The following ATE1 variants were observed in gnomAD, a reference collection of about 807,000 sequenced individuals.
ATE1 encodes arginyltransferase 1, also known as arginyl-tRNA--protein transferase 1.
In ATE1, 36 loss-of-function variants were observed where a neutral mutation model predicts 70.5. The ratio of observed to expected loss-of-function variants is 0.51; its 90% confidence interval spans 0.39 to 0.67. The LOEUF is 0.67. Among genes scored for constraint, ATE1 ranks in the 30% least tolerant of loss-of-function variants. The pLI is 0.00. For synonymous variants in ATE1, 232 were observed against 219.3 expected, an observed-to-expected ratio of 1.06 and a Z score of -0.51; for missense variants, 593 against 629.5, an observed-to-expected ratio of 0.94 and a Z score of 0.62.
chr10:121,790,433 G>A, intron 10 of ATE1, 144 bp from the exon 11 acceptor site: 1 of 1,047,172 alleles, frequency 9.5e-7, no homozygotes, highest in Non-Finnish European at 1.3e-6. Context: ...AAGCAACCCT[G>A]TAGCTGATAG....
chr10:121,746,634 A>G (rs148940726), intron 11 of ATE1, among the ~76,000 whole-genome samples: 1 of 152,308 alleles, frequency 6.6e-6, no homozygotes, highest in African/African-American at 2.4e-5. Flanking sequence ...AAAGCCAATG[A>G]TCAACTTTTC....
rs1308495218 is a variant in ATE1 at position 121,859,260 on chromosome 10, AT to A, written c.975+10745del. 1.6e-3 allele frequency among the ~76,000 whole-genome samples: 235 copies of A among 146,412 alleles called. 1 individual carries two copies. Among genetic ancestry groups the A allele is most frequent in the Middle Eastern group, 3.5e-3 (1 of 286 alleles). The stretch of plus-strand genomic sequence containing the variant: ...AAAAGTTATTATTTTATTTTATTTT[AT>A]TTTTTTTTTTTTTGAGACGGAGTCT... On this transcript the variant is annotated intron_variant, in intron 8 of 11. Coordinates refer to ENST00000224652, the MANE Select transcript of ATE1 (RefSeq NM_001001976.3).
intron 8 of ATE1, among the ~76,000 whole-genome samples, chr10:121,847,215 G>A (rs950362123): frequency 3.3e-5 from 5 of 152,136 alleles, no homozygotes; most frequent in African/African-American, 1.2e-4. Flanking sequence ...TTGAGAGGCC[G>A]AGGTGGGTGG....
rs915301894 is a variant in ATE1 at position 121,885,298 on chromosome 10, G to A, written c.942+14568C>T. On this transcript the variant is annotated intron_variant, in intron 7 of 11. Transcript: ENST00000224652. Reference sequence around the variant, plus strand: ...AAAAAAAAAAAAAGAGGCCGGGCGCGGTGGCTCACACTTGTAATCCCAGCA... The same window carrying A: ...AAAAAAAAAAAAAGAGGCCGGGCGCAGTGGCTCACACTTGTAATCCCAGCA... Among the ~76,000 whole-genome samples, 333 of 141,308 alleles carry A rather than the reference G, an allele frequency of 2.4e-3. 3 individuals carry two copies. Among genetic ancestry groups the A allele is most frequent in the Middle Eastern group, 4.5e-3 (1 of 220 alleles). The allele number at this position is 141,308 out of a possible 152,430, so 92.7% of individuals were successfully genotyped here. A position where few individuals can be genotyped will look rare whatever the true frequency, so the allele number is the denominator to read the frequency against.
intron 6 of ATE1, among the ~76,000 whole-genome samples, chr10:121,902,141 CTG>C (rs1564945152): frequency 6.6e-6 from 1 of 152,122 alleles, no homozygotes; most frequent in Non-Finnish European, 1.5e-5. Flanking sequence ...AAAATTGACA[CTG>C]TTTTCACAAG....
intron 11 of ATE1, among the ~76,000 whole-genome samples, chr10:121,752,938 C>T (rs1222553052): frequency 6.6e-6 from 1 of 152,172 alleles, no homozygotes; most frequent in Non-Finnish European, 1.5e-5. Flanking sequence ...TTGAGGAGTA[C>T]TACCATCTTA....
chr10:121,855,833 G>A (rs1949226921), intron 8 of ATE1, among the ~76,000 whole-genome samples: 1 of 152,124 alleles, frequency 6.6e-6, no homozygotes, highest in African/African-American at 2.4e-5. Flanking sequence ...CCAGCACTTT[G>A]AGAGGCTGAG....
intron 10 of ATE1, among the ~76,000 whole-genome samples, chr10:121,799,676 TC>T (rs1262488836): frequency 6.6e-6 from 1 of 152,220 alleles, no homozygotes; most frequent in Non-Finnish European, 1.5e-5. Context: ...AAAGAGTAAC[TC>T]CATCTTCTCT....
chr10:121,746,294 T>G (rs541440881), intron 11 of ATE1, among the ~76,000 whole-genome samples: 16 of 152,344 alleles, frequency 1.1e-4, no homozygotes, highest in African/African-American at 3.8e-4. Context: ...CTGCTAATAC[T>G]TCCCCAGTGC....
chr10:121,870,053 G>T lies in ATE1; in HGVS notation c.943-15C>A. The T allele has an allele frequency of 1.2e-6, 2 of 1,607,696 alleles. No homozygotes were observed. Among genetic ancestry groups the T allele is most frequent in the Non-Finnish European group, 1.7e-6 (2 of 1,175,558 alleles). On this transcript the variant is annotated splice_polypyrimidine_tract_variant and intron_variant, in intron 7 of 11. Coordinates refer to ENST00000224652, the MANE Select transcript of ATE1 (RefSeq NM_001001976.3). ...AATCTTGTGAACTGCAGTCAAATTT[G>T]AACAGAATCCATTTCATCCAGTAAA...
intron 11 of ATE1, among the ~76,000 whole-genome samples, chr10:121,751,395 T>C (rs1944572788): frequency 6.6e-6 from 1 of 152,224 alleles, no homozygotes. Context: ...GCCAGACTGT[T>C]TTCCCAAGTG....
intron 11 of ATE1, among the ~76,000 whole-genome samples, chr10:121,744,972 A>C (rs1173161755): frequency 1.3e-5 from 2 of 151,956 alleles, no homozygotes; most frequent in Non-Finnish European, 2.9e-5. Flanking sequence ...CAGGATCCCT[A>C]CCCTCCACCT....
intron 7 of ATE1, among the ~76,000 whole-genome samples, chr10:121,886,414 T>G (rs569301583): frequency 6.6e-6 from 1 of 152,176 alleles, no homozygotes; most frequent in South Asian, 2.1e-4. Flanking sequence ...CTCACACGTG[T>G]GCACGTTAGG....
At chr10:121,913,616 G>A (rs1951529995) in intron 4 of ATE1, among the ~76,000 whole-genome samples, 174 bp downstream of exon 4, 1 of 152,134 alleles carries the variant, frequency 6.6e-6, no homozygotes, top group Non-Finnish European at 1.5e-5. Flanking sequence ...ATATTCCCAT[G>A]CCTTGACTTG....
At chr10:121,812,816 T>C (rs529846988) in intron 10 of ATE1, among the ~76,000 whole-genome samples, 5 of 152,292 alleles carry the variant, frequency 3.3e-5, no homozygotes, top group Admixed American at 3.3e-4. Flanking sequence ...TAAGTTAAAC[T>C]GGGATAGCTC....
At chr10:121,887,901 A>T (rs1950455560) in intron 7 of ATE1, among the ~76,000 whole-genome samples, 1 of 152,152 alleles carries the variant, frequency 6.6e-6, no homozygotes, top group Non-Finnish European at 1.5e-5. Context: ...CAATAATACA[A>T]TTAGACAAAT....
chr10:121,824,722 T>C (rs1188713215), intron 10 of ATE1, among the ~76,000 whole-genome samples: 2 of 152,144 alleles, frequency 1.3e-5, no homozygotes, highest in Admixed American at 6.6e-5. Context: ...CATGTCTGTA[T>C]AAAAAATTCA....
Position 121,894,166 on chromosome 10 carries a change from A to G in ATE1, c.942+5700T>C, listed in dbSNP as rs571926753. On this transcript the variant is annotated intron_variant, in intron 7 of 11. Coordinates refer to ENST00000224652, the MANE Select transcript of ATE1 (RefSeq NM_001001976.3). ...AAAAAAAAAAAAAGGAACAGAGGAA[A>G]AAAAAAAACATGGACATATCGAGGA... is the stretch of plus-strand genomic sequence containing the variant. 5.1e-4 allele frequency among the ~76,000 whole-genome samples: 78 copies of G among 152,134 alleles called. 1 individual carries two copies. The South Asian group carries it at 0.016, about 32-fold the overall frequency.
intron 8 of ATE1, among the ~76,000 whole-genome samples, chr10:121,866,878 T>C (rs947272535): frequency 3.3e-4 from 50 of 151,478 alleles, no homozygotes; most frequent in Non-Finnish European, 6.9e-4. Flanking sequence ...TTGTATATTC[T>C]ATATACTCTA....
Sources: allele counts gnomAD v4.1 joint callset (sites outside exome capture counted in the v4.1 genomes callset), GRCh38; gene constraint gnomAD v4.1.1; transcripts MANE v1.5; gene names NCBI Gene and HGNC (gene_info 2026-07-23, HGNC 2026-07-21).